SAMD5: variants seen among roughly 807,000 people sequenced by gnomAD.
SAMD5 encodes the protein sterile alpha motif domain containing 5.
SAMD5 carries 13 observed loss-of-function variants against 11.3 expected under a neutral mutation model. The observed-to-expected ratio is 1.15, with a 90% confidence interval of 0.75 to 1.83. The LOEUF is 1.83. SAMD5 is among the 40% of genes most tolerant of loss of function. The probability of loss-of-function intolerance (pLI) is 0.00; values close to 1 mark genes in which losing one functional copy is unlikely to be tolerated. For synonymous variants in SAMD5, 129 were observed against 111.3 expected (o/e 1.16, Z -1.00); for missense variants, 255 against 239.1 (o/e 1.07, Z -0.44).
At chr6:147,658,428 C>CATAT (rs10623509) in intron 1 of SAMD5, among the ~76,000 whole-genome samples, 1 of 151,478 alleles carries the variant, frequency 6.6e-6, no homozygotes, top group South Asian at 2.1e-4. Context: ...TTTATTTATT[C>CATAT]ATATATATAT....
chr6:147,857,636 T>C, the SAMD5 span, among the ~76,000 whole-genome samples: 1 of 149,426 alleles, frequency 6.7e-6, no homozygotes, highest in Non-Finnish European at 1.5e-5. Flanking sequence ...AATTGTATCA[T>C]GTATGTATGC....
chr6:147,862,312 C>T, the SAMD5 span, among the ~76,000 whole-genome samples: 2 of 152,158 alleles, frequency 1.3e-5, no homozygotes, highest in East Asian at 3.9e-4. Context: ...CTGCTGTTCC[C>T]TTACTGGACT....
chr6:147,562,219 C>T (rs1339469585), intron 1 of SAMD5, among the ~76,000 whole-genome samples: 1 of 152,162 alleles, frequency 6.6e-6, no homozygotes, highest in Non-Finnish European at 1.5e-5. Context: ...TTCTATGTTT[C>T]TAGAGCAAAG....
At chr6:147,533,113 C>T (rs1370684511) in intron 1 of SAMD5, among the ~76,000 whole-genome samples, 1 of 152,140 alleles carries the variant, frequency 6.6e-6, no homozygotes, top group East Asian at 1.9e-4. Context: ...CAGAGGCCAG[C>T]ACACCCAGAG....
At chr6:147,582,853 T>C (rs1789318980) in intron 1 of SAMD5, among the ~76,000 whole-genome samples, 1 of 152,176 alleles carries the variant, frequency 6.6e-6, no homozygotes, top group South Asian at 2.1e-4. Flanking sequence ...GGCCCAGTGT[T>C]CATGGTCAGC....
the SAMD5 span, among the ~76,000 whole-genome samples, chr6:147,919,788 T>C: frequency 6.6e-6 from 1 of 152,188 alleles, no homozygotes; most frequent in Non-Finnish European, 1.5e-5. Context: ...TGTAAAATCA[T>C]AAAACTTTAT....
chr6:147,933,837 A>G, the SAMD5 span, among the ~76,000 whole-genome samples: 16 of 152,338 alleles, frequency 1.1e-4, no homozygotes, highest in African/African-American at 3.1e-4. Flanking sequence ...ATCCTGAGGA[A>G]GAGAAATGTG....
chr6:147,722,493 G>T (rs1025203318), intron 1 of SAMD5, among the ~76,000 whole-genome samples: 1 of 152,110 alleles, frequency 6.6e-6, no homozygotes, highest in Non-Finnish European at 1.5e-5. Flanking sequence ...TGTCCTCATA[G>T]AAAACTCTCA....
At chr6:147,861,544 G>A in the SAMD5 span, among the ~76,000 whole-genome samples, 5 of 152,076 alleles carry the variant, frequency 3.3e-5, no homozygotes, top group Non-Finnish European at 5.9e-5. Context: ...ATACCTGCCC[G>A]CACTTACAGT....
At position 147,568,803 on chromosome 6, in the gene SAMD5, C is replaced by A. The variant is rs1262244280; in HGVS notation, c.*4347C>A. 6.3e-6 allele frequency: 6 copies of A among 959,794 alleles called. No individual in the cohort carries two copies. In the East Asian group the frequency reaches 6.9e-4, roughly 111 times the overall value. 59.5% of individuals were successfully genotyped at this position (959,794 alleles called of 1,614,324 possible). Reference sequence around the variant, plus strand: ...CTATCAGATTCTTTGATTAAAAAATCATCTTCAGCTTTACATTATTAATCT... The same window carrying A: ...CTATCAGATTCTTTGATTAAAAAATAATCTTCAGCTTTACATTATTAATCT... On this transcript the variant is annotated 3_prime_UTR_variant, in exon 2 of 2. Coordinates refer to ENST00000367474, the MANE Select transcript of SAMD5 (RefSeq NM_001030060.3).
chr6:147,877,891 A>ATAGCTAGCTAGCTAGC, the SAMD5 span, among the ~76,000 whole-genome samples: 30 of 90,216 alleles, frequency 3.3e-4, no homozygotes, highest in African/African-American at 8.5e-4. Context: ...CGATAGATAG[A>ATAGCTAGCTAGCTAGC]TAGCTAGATA....
At chr6:147,942,678 T>A in the SAMD5 span, among the ~76,000 whole-genome samples, 2 of 152,182 alleles carry the variant, frequency 1.3e-5, no homozygotes, top group South Asian at 4.1e-4. Context: ...TGTAGACCCC[T>A]AAGGGGCTTG....
chr6:147,680,719 C>T (rs753268779), intron 1 of SAMD5, among the ~76,000 whole-genome samples: 5 of 152,052 alleles, frequency 3.3e-5, no homozygotes, highest in African/African-American at 9.7e-5. Context: ...TTATTAGGAA[C>T]GGATACTGGA....
At chr6:147,809,291 A>G in the SAMD5 span, among the ~76,000 whole-genome samples, 1 of 152,158 alleles carries the variant, frequency 6.6e-6, no homozygotes, top group Non-Finnish European at 1.5e-5. Context: ...ATCCAGAAAG[A>G]CAGTTCTGAG....
At chr6:147,930,016 C>A in the SAMD5 span, among the ~76,000 whole-genome samples, 9 of 152,272 alleles carry the variant, frequency 5.9e-5, no homozygotes, top group African/African-American at 2.2e-4. Context: ...GCATCCCTGG[C>A]ATCTGTCCAC....
chr6:147,550,699 A>C (rs1788756172), intron 1 of SAMD5, among the ~76,000 whole-genome samples: 1 of 63,334 alleles, frequency 1.6e-5, no homozygotes, highest in Non-Finnish European at 2.8e-5. Flanking sequence ...TGAGGGCTAA[A>C]GAATGTGTAC....
At chr6:147,951,598 G>A in the SAMD5 span, among the ~76,000 whole-genome samples, 4 of 152,144 alleles carry the variant, frequency 2.6e-5, no homozygotes, top group Non-Finnish European at 5.9e-5. Flanking sequence ...TGTCCTTCAA[G>A]GAGATTGGTG....
At chr6:147,774,687 TA>T in the SAMD5 span, among the ~76,000 whole-genome samples, 1 of 152,154 alleles carries the variant, frequency 6.6e-6, no homozygotes, top group African/African-American at 2.4e-5. Context: ...GGATTTTTTT[TA>T]CTTGTATTAT....
the SAMD5 span, among the ~76,000 whole-genome samples, chr6:147,864,767 A>G: frequency 6.6e-6 from 1 of 152,224 alleles, no homozygotes; most frequent in Non-Finnish European, 1.5e-5. Flanking sequence ...AAAGATGGTT[A>G]CTTTCTGAAC....
Sources: allele counts gnomAD v4.1 joint callset (sites outside exome capture counted in the v4.1 genomes callset), GRCh38; gene constraint gnomAD v4.1.1; transcripts MANE v1.5; gene names NCBI Gene and HGNC (gene_info 2026-07-23, HGNC 2026-07-21).